The following FBXL7 variants were observed in gnomAD, a reference collection of about 807,000 sequenced individuals.
FBXL7 encodes F-box and leucine rich repeat protein 7.
In FBXL7, 12 loss-of-function variants were observed where a neutral mutation model predicts 38.3. That is an observed-to-expected ratio of 0.31 (90% confidence interval 0.20 to 0.51). FBXL7 has a LOEUF of 0.51. Among genes scored for constraint, FBXL7 ranks in the 20% least tolerant of loss-of-function variants. The probability of loss-of-function intolerance (pLI) is 0.98; values close to 1 mark genes in which losing one functional copy is unlikely to be tolerated. For synonymous variants in FBXL7, 297 were observed against 300.9 expected (o/e 0.99, Z 0.13); for missense variants, 567 against 676.4 (o/e 0.84, Z 1.79).
At chr5:15,892,119 G>A (rs957664706) in intron 2 of FBXL7, among the ~76,000 whole-genome samples, 23 of 152,204 alleles carry the variant, frequency 1.5e-4, no homozygotes, top group African/African-American at 5.3e-4. Flanking sequence ...AGCACAAAGC[G>A]CAGAGCACAG....
In FBXL7 at chr5:15,620,933, A is replaced by C. The variant is rs369325400; in HGVS notation, c.127+4861A>C. On this transcript the variant is annotated intron_variant, in intron 2 of 3. Transcript: ENST00000504595. The stretch of plus-strand genomic sequence containing the variant: ...CTAGCACCCAACCCTAATGGTAAAG[A>C]CATCGAATTTATCCACTCCAGTAAG... Among the ~76,000 whole-genome samples the C allele has an allele frequency of 5.9e-5, 9 of 152,296 alleles. No individual in the cohort carries two copies. The East Asian group carries it at 1.5e-3, about 26-fold the overall frequency.
intron 2 of FBXL7, among the ~76,000 whole-genome samples, chr5:15,848,747 T>G (rs1359458137): frequency 6.6e-6 from 1 of 151,434 alleles, no homozygotes; most frequent in Non-Finnish European, 1.5e-5. Flanking sequence ...CTAATGAAAC[T>G]AAAGTAACTG....
rs1362971215 is a variant in FBXL7, at chr5:15,620,409, TTTTG to T, written c.127+4341_127+4344del. On this transcript the variant is annotated intron_variant, in intron 2 of 3. Transcript: ENST00000504595. Reference sequence around the variant, plus strand: ...CACCACGCCCAGCTAATTTTTTGTTTTTTGTTTTTTTTTTTTTTTAAGTAGAAAC... The same window carrying T: ...CACCACGCCCAGCTAATTTTTTGTTTTTTTTTTTTTTTTTTAAGTAGAAAC... Among the ~76,000 whole-genome samples the T allele has an allele frequency of 4.0e-3, 506 of 126,592 alleles. 6 individuals are homozygous for T. The highest frequency in any genetic ancestry group is 0.013 in the African/African-American group (451 of 33,670). The allele number at this position is 126,592 out of a possible 152,430, so 83.0% of individuals were successfully genotyped here. A position where few individuals can be genotyped will look rare whatever the true frequency, so the allele number is the denominator to read the frequency against.
intron 2 of FBXL7, among the ~76,000 whole-genome samples, chr5:15,733,031 A>G (rs1735632905): frequency 6.6e-6 from 1 of 152,220 alleles, no homozygotes; most frequent in Non-Finnish European, 1.5e-5. Flanking sequence ...CATGATCGTG[A>G]GTACTAAAAT....
At chr5:15,816,195 T>G (rs1296405182) in intron 2 of FBXL7, among the ~76,000 whole-genome samples, 1 of 152,036 alleles carries the variant, frequency 6.6e-6, no homozygotes, top group Admixed American at 6.6e-5. Context: ...ATTGCAGAGA[T>G]ATGAAATGAA....
At chr5:15,597,740 T>A (rs948117210) in intron 1 of FBXL7, among the ~76,000 whole-genome samples, 3 of 152,196 alleles carry the variant, frequency 2.0e-5, no homozygotes, top group Non-Finnish European at 2.9e-5. Context: ...GATGCCTTCA[T>A]GCTAGAAGAG....
At chr5:15,581,256 A>T (rs930189372) in intron 1 of FBXL7, among the ~76,000 whole-genome samples, 2 of 151,818 alleles carry the variant, frequency 1.3e-5, no homozygotes, top group Non-Finnish European at 2.9e-5. Flanking sequence ...TTATGTCATT[A>T]AAAAAAATCA....
rs546901935 is a variant in FBXL7, at chr5:15,541,148, A to G, written c.37+40435A>G. Among the ~76,000 whole-genome samples the G allele has an allele frequency of 7.2e-5, 11 of 151,832 alleles. No individual in the cohort carries two copies. In the Middle Eastern group the frequency reaches 0.01, roughly 141 times the overall value. On this transcript the variant is annotated intron_variant, in intron 1 of 3. Coordinates refer to ENST00000504595, the MANE Select transcript of FBXL7 (RefSeq NM_012304.5). The stretch of plus-strand genomic sequence containing the variant: ...TAAACTATTTGCAAATGAGTTGCAC[A>G]TATAATGACGCCTCACTCCCAAATC...
chr5:15,572,978 A>G (rs1738838482), intron 1 of FBXL7, among the ~76,000 whole-genome samples: 1 of 152,096 alleles, frequency 6.6e-6, no homozygotes, highest in Non-Finnish European at 1.5e-5. Context: ...GAGAATCAGG[A>G]AGGTTTTCAG....
At position 15,778,840 on chromosome 5, in the gene FBXL7, A is replaced by G. The variant is rs118126811; in HGVS notation, c.128-149050A>G. On this transcript the variant is annotated intron_variant, in intron 2 of 3. Transcript: ENST00000504595. ...AAGATACATTAGCTGGAAATAAAAA[A>G]TGATCATGAAATTGATCATGAAAGG... 1.5e-4 allele frequency among the ~76,000 whole-genome samples: 23 copies of G among 152,296 alleles called. No homozygotes were observed. The East Asian group carries it at 4.4e-3, about 29-fold the overall frequency.
intron 1 of FBXL7, among the ~76,000 whole-genome samples, chr5:15,604,631 A>G (rs1015675892): frequency 1.5e-4 from 23 of 152,328 alleles, no homozygotes; most frequent in African/African-American, 4.8e-4. Context: ...CTGGGATTAC[A>G]GGCCTGAGCC....
intron 2 of FBXL7, among the ~76,000 whole-genome samples, chr5:15,663,264 C>T (rs1264904102): frequency 2.6e-5 from 4 of 152,080 alleles, no homozygotes; most frequent in Non-Finnish European, 5.9e-5. Context: ...TTGTGGCAAT[C>T]ATGAATGGGA....
At chr5:15,913,828 A>C (rs988127829) in intron 2 of FBXL7, among the ~76,000 whole-genome samples, 6 of 152,188 alleles carry the variant, frequency 3.9e-5, no homozygotes, top group Admixed American at 1.3e-4. Flanking sequence ...TTGCAAAACT[A>C]TCTCTGAGCT....
chr5:15,563,539 C>T (rs1451593217), intron 1 of FBXL7, among the ~76,000 whole-genome samples: 3 of 152,084 alleles, frequency 2.0e-5, no homozygotes, highest in East Asian at 1.9e-4. Flanking sequence ...AAGTATTTCT[C>T]ACTCTCCTGT....
intron 1 of FBXL7, among the ~76,000 whole-genome samples, chr5:15,557,939 C>T (rs1009451425): frequency 6.6e-6 from 1 of 152,088 alleles, no homozygotes; most frequent in Non-Finnish European, 1.5e-5. Context: ...TAGGAATTAC[C>T]TAAAATAGGC....
intron 2 of FBXL7, among the ~76,000 whole-genome samples, chr5:15,916,563 A>G (rs1741590366): frequency 6.6e-6 from 1 of 152,232 alleles, no homozygotes; most frequent in African/African-American, 2.4e-5. Context: ...ACACCTGAGA[A>G]GCAGAAAGGA....
At chr5:15,720,727 C>T (rs946209261) in intron 2 of FBXL7, among the ~76,000 whole-genome samples, 1 of 147,616 alleles carries the variant, frequency 6.8e-6, no homozygotes, top group Non-Finnish European at 1.5e-5. Context: ...CATCAGCTAC[C>T]ATATGTATTA....
intron 2 of FBXL7, among the ~76,000 whole-genome samples, chr5:15,679,691 C>T (rs571311969): frequency 6.6e-6 from 1 of 151,760 alleles, no homozygotes; most frequent in African/African-American, 2.4e-5. Flanking sequence ...GAGTACCCCC[C>T]AAAAAATATC....
chr5:15,890,537 G>A (rs1048381445), intron 2 of FBXL7, among the ~76,000 whole-genome samples: 2 of 152,120 alleles, frequency 1.3e-5, no homozygotes, highest in Non-Finnish European at 2.9e-5. Context: ...CACCGTGCCC[G>A]GCTGGCTTTC....
Sources: allele counts gnomAD v4.1 joint callset (sites outside exome capture counted in the v4.1 genomes callset), GRCh38; gene constraint gnomAD v4.1.1; transcripts MANE v1.5; gene names NCBI Gene and HGNC (gene_info 2026-07-23, HGNC 2026-07-21).